The following CFAP43 variants were observed in gnomAD, a reference collection of about 807,000 sequenced individuals.
CFAP43 encodes the protein cilia and flagella associated protein 43.
CFAP43 carries 155 observed loss-of-function variants against 218.9 expected under a neutral mutation model. The ratio of observed to expected loss-of-function variants is 0.71; its 90% confidence interval spans 0.62 to 0.81. The LOEUF (loss-of-function observed/expected upper bound fraction) is 0.81, where lower values mean the gene tolerates loss of function less well. Ranked by LOEUF, CFAP43 falls within the 30% of genes least tolerant of loss-of-function variation. The probability of loss-of-function intolerance (pLI) is 0.00; values close to 1 mark genes in which losing one functional copy is unlikely to be tolerated. For synonymous variants in CFAP43, 645 were observed against 681.3 expected (o/e 0.95, Z 0.83); for missense variants, 1,778 against 1,954.3 (o/e 0.91, Z 1.70).
rs1239363163 is a variant in CFAP43 at position 104,167,695 on chromosome 10, C to G, written c.2734G>C (p.Ala912Pro). ...TCTTTCAGCTCTTCAACCGTGCGCGCTTTCATCGGGAAGTTTTCAACCACA... is the reference window on the plus strand; with the variant it reads ...TCTTTCAGCTCTTCAACCGTGCGCGGTTTCATCGGGAAGTTTTCAACCACA... Reference protein sequence around the residue: ...PCVVENFPMKARTVEELKELE... With the variant: ...PCVVENFPMKPRTVEELKELE... The change falls in exon 22 of 38, where the codon GCG (alanine) becomes CCG (proline). Residue 912 changes from alanine to proline, a missense_variant. Ala to Pro is a conservative substitution (Grantham distance 27). Coordinates refer to ENST00000357060, the MANE Select transcript of CFAP43 (RefSeq NM_025145.7). 6.2e-7 allele frequency: 1 copy of G among 1,611,686 alleles called. No homozygotes were observed.
At chr10:104,169,005 C>A (rs1388961564) in intron 20 of CFAP43, among the ~76,000 whole-genome samples, 157 bp from the exon 21 acceptor site, 1 of 152,210 alleles carries the variant, frequency 6.6e-6, no homozygotes, top group East Asian at 1.9e-4. Context: ...CTGAGATGCA[C>A]TTTCGGGAAA....
intron 19 of CFAP43, among the ~76,000 whole-genome samples, chr10:104,176,172 A>C (rs2089623935): frequency 6.6e-6 from 1 of 152,224 alleles, no homozygotes; most frequent in Non-Finnish European, 1.5e-5. Context: ...TCAATATTCA[A>C]TCTTAGAACA....
intron 11 of CFAP43, chr10:104,193,662 C>T (rs529979335): frequency 7.0e-5 from 39 of 556,428 alleles, no homozygotes; most frequent in South Asian, 4.1e-4. Context: ...TGGTACCAGG[C>T]TGCCTGCAAG....
intron 12 of CFAP43, among the ~76,000 whole-genome samples, chr10:104,190,743 A>G (rs960174992): frequency 7.9e-5 from 12 of 152,134 alleles, no homozygotes; most frequent in Non-Finnish European, 1.3e-4. Context: ...ACCAAGTCCT[A>G]CCAATTCCAT....
At position 104,179,069 on chromosome 10, in the gene CFAP43, C is replaced by A. The variant is rs757470372; in HGVS notation, c.2420G>T (p.Arg807Met). 26 of 1,612,830 alleles carry A rather than the reference C, an allele frequency of 1.6e-5. No individual in the cohort carries two copies. The highest frequency in any genetic ancestry group is 2.1e-5 in the Non-Finnish European group (25 of 1,179,558). The change falls in exon 19 of 38, where the codon AGG (arginine) becomes ATG (methionine). Residue 807 changes from arginine (R) to methionine (M), a missense_variant. Arg to Met is a moderately conservative substitution (Grantham distance 91). Coordinates refer to ENST00000357060, the MANE Select transcript of CFAP43 (RefSeq NM_025145.7). ...KKEVNLFSKK[R>M]KEIKQGIKSL... ...TTTGATTCCTTGTTTTATCTCTTTC[C>A]TTTTCTTGGAAAACAGATTAACCTC...
chr10:104,204,576 T>C (rs1409233621), intron 7 of CFAP43, among the ~76,000 whole-genome samples: 2 of 152,126 alleles, frequency 1.3e-5, no homozygotes, highest in African/African-American at 2.4e-5. Flanking sequence ...GCAAATGCTA[T>C]AATAGTTACT....
chr10:104,145,518 T>G lies in CFAP43; in HGVS notation c.3902A>C (p.His1301Pro). 6.2e-7 allele frequency: 1 copy of G among 1,603,944 alleles called. No individual in the cohort carries two copies. The highest frequency in any genetic ancestry group is 8.5e-7 in the Non-Finnish European group (1 of 1,172,686). The change falls in exon 31 of 38, where the codon CAT (histidine) becomes CCT (proline). Residue 1301 changes from histidine to proline, a missense_variant. Physicochemically the swap from His to Pro is moderately conservative, Grantham distance 77. Coordinates refer to ENST00000357060, the MANE Select transcript of CFAP43 (RefSeq NM_025145.7). ...FKKEFSEIPG[H>P]QVDILYKLFK... The stretch of plus-strand genomic sequence containing the variant: ...AAGTTTGTAGAGTATATCCACTTGA[T>G]GACCAGGAATTTCAGAAAATTCCTT...
intron 10 of CFAP43, among the ~76,000 whole-genome samples, chr10:104,194,810 T>C (rs976455827): frequency 1.3e-5 from 2 of 152,184 alleles, no homozygotes; most frequent in African/African-American, 4.8e-5. Context: ...GAGATCATTT[T>C]GCAAAATAGA....
At chr10:104,205,212 CAAAAAAA>C (rs71022723) in intron 7 of CFAP43, among the ~76,000 whole-genome samples, 6 of 56,552 alleles carry the variant, frequency 1.1e-4, no homozygotes, top group Middle Eastern at 0.012. Flanking sequence ...GACTCCGTCT[CAAAAAAA>C]AAAAAAAAAA....
chr10:104,174,623 A>G (rs1475554698), intron 19 of CFAP43, among the ~76,000 whole-genome samples: 2 of 152,248 alleles, frequency 1.3e-5, no homozygotes, highest in Non-Finnish European at 1.5e-5. Context: ...AAACTATAAG[A>G]TACCTAAAAT....
chr10:104,186,559 G>A (rs560622201), intron 14 of CFAP43, among the ~76,000 whole-genome samples: 29 of 152,158 alleles, frequency 1.9e-4, no homozygotes, highest in African/African-American at 7.0e-4. Flanking sequence ...CACCAGTCCT[G>A]CCCTACCTCC....
In CFAP43 at chr10:104,207,708, C is replaced by T; in HGVS notation, c.852G>A (p.Leu284=). The change falls in exon 6 of 38, where the codon TTG becomes TTA. Residue 284 remains leucine, a synonymous_variant. Transcript: ENST00000357060. The part of the protein sequence containing the change: ...GHLLMINGDT[L]QVTVLNKIEE... ...CTATCTTATTAAGTACAGTCACTTG[C>T]AAGGTGTCTCCATTAATCATTAAAA... is the stretch of plus-strand genomic sequence containing the variant. 3 of 1,614,070 alleles carry T rather than the reference C, an allele frequency of 1.9e-6. No homozygotes were observed. Among genetic ancestry groups the T allele is most frequent in the Non-Finnish European group, 2.5e-6 (3 of 1,179,978 alleles).
Position 104,207,734 on chromosome 10 carries a change from G to C in CFAP43, c.826C>G (p.Leu276Val). The part of the protein sequence containing the change: ...DLYIGCEEGH[L>V]LMINGDTLQV... ...AAGGTGTCTCCATTAATCATTAAAA[G>C]ATGACCCTCTTCACAGCCAATGTAC... The change falls in exon 6 of 38, where the codon CTT (leucine) becomes GTT (valine). Residue 276 changes from leucine to valine, a missense_variant. This residue lies in a region of CFAP43 where 1,553 missense variants were observed against 1,685.2 expected (regional missense o/e 0.92). Transcript: ENST00000357060. 6.2e-7 allele frequency: 1 copy of C among 1,614,156 alleles called. No homozygotes were observed. Among genetic ancestry groups the C allele is most frequent in the Non-Finnish European group, 8.5e-7 (1 of 1,180,012 alleles).
At position 104,179,848 on chromosome 10, in the gene CFAP43, T is replaced by G. The variant is rs1256796095; in HGVS notation, c.2374A>C (p.Ser792Arg). 6.2e-7 allele frequency: 1 copy of G among 1,612,668 alleles called. No homozygotes were observed. The highest frequency in any genetic ancestry group is 1.7e-5 in the Admixed American group (1 of 59,904). ...CCATGTTTCACAAATACCTCTTGGC[T>G]TTTTTGTTGTATCCAAGGAATTTCC... is the stretch of plus-strand genomic sequence containing the variant. ...KKEIPWIQQK[S>R]QEAIKKEVNL... Residue 792 changes from serine (S) to arginine (R), a missense_variant, in exon 18 of 38, where the codon AGC becomes CGC. Ser to Arg is a moderately radical substitution (Grantham distance 110). Around this residue, in one of 3 missense-constraint regions of CFAP43, gnomAD observed 1,553 missense variants for 1,685.2 expected, o/e 0.92. Transcript: ENST00000357060.
chr10:104,208,212 G>A (rs2090754877), intron 5 of CFAP43, among the ~76,000 whole-genome samples: 1 of 152,142 alleles, frequency 6.6e-6, no homozygotes, highest in South Asian at 2.1e-4. Context: ...CACCATTATT[G>A]AAAAGTTTCC....
chr10:104,223,831 G>T (rs2091243556), intron 3 of CFAP43, among the ~76,000 whole-genome samples: 1 of 152,114 alleles, frequency 6.6e-6, no homozygotes, highest in Non-Finnish European at 1.5e-5. Flanking sequence ...GGAATAGAAA[G>T]GAATGACTAC....
rs1564787568 is a variant in CFAP43, at chr10:104,196,937, TA to T, written c.1213-5del. On this transcript the variant is annotated splice_region_variant and splice_polypyrimidine_tract_variant and intron_variant, in intron 9 of 37. Transcript: ENST00000357060. ...TTTCCCCTGAATATGTAAGTGTCTG[TA>T]AAAAAAGAAAAACAAAAACTCTACA... The T allele has an allele frequency of 1.9e-6, 3 of 1,606,268 alleles. No homozygotes were observed. The highest frequency in any genetic ancestry group is 1.7e-6 in the Non-Finnish European group (2 of 1,177,410).
rs2090372915 is a variant in CFAP43 at position 104,196,066 on chromosome 10, C to T, written c.1293+787G>A. Among the ~76,000 whole-genome samples, 3 of 152,182 alleles carry T rather than the reference C, an allele frequency of 2.0e-5. No homozygotes were observed. In the South Asian group the frequency reaches 6.2e-4, roughly 32 times the overall value. On this transcript the variant is annotated intron_variant, in intron 10 of 37. Transcript: ENST00000357060. ...AGAAGAAGCATCTTTGTTCTTCCTC[C>T]TCCTACAGCAGGAATTTTTCTTCCC...
intron 4 of CFAP43, among the ~76,000 whole-genome samples, chr10:104,213,617 C>T (rs1390019313): frequency 1.3e-5 from 2 of 152,102 alleles, no homozygotes; most frequent in Non-Finnish European, 2.9e-5. Context: ...CTCACTGCAA[C>T]CTCCACCTCT....
Sources: gnomAD v4.1 joint callset for allele counts (sites outside exome capture counted in the v4.1 genomes callset) on GRCh38, gnomAD v4.1.1 for gene constraint, gnomAD v4.1.1 regional missense constraint, MANE v1.5 for transcripts, NCBI Gene and HGNC (gene_info 2026-07-23, HGNC 2026-07-21) for gene names.